Variants in FHIT observed in about 807,000 individuals in gnomAD.
The protein encoded by FHIT is bis(5'-adenosyl)-triphosphatase.
A neutral mutation model predicts 17.9 loss-of-function variants in FHIT; 19 were observed. The observed-to-expected ratio is 1.06, with a 90% CI of 0.74 to 1.56. FHIT has a LOEUF of 1.56. Among genes scored for constraint, FHIT ranks in the 40% most tolerant of loss-of-function variants. The pLI, the probability that FHIT is intolerant of heterozygous loss-of-function variation, is 0.00. For missense variants in FHIT, 248 were observed against 189.2 expected, an observed-to-expected ratio of 1.31 and a Z score of -1.82; for synonymous variants, 81 against 69.7, an observed-to-expected ratio of 1.16 and a Z score of -0.81.
chr3:59,807,087 C>G (rs1700233047), intron 8 of FHIT, among the ~76,000 whole-genome samples: 1 of 152,116 alleles, frequency 6.6e-6, no homozygotes, highest in African/African-American at 2.4e-5. Flanking sequence ...TGCTAAGGGA[C>G]TTGCCTGAGA....
At chr3:60,355,169 G>A (rs1699592596) in intron 5 of FHIT, among the ~76,000 whole-genome samples, 1 of 152,118 alleles carries the variant, frequency 6.6e-6, no homozygotes, top group South Asian at 2.1e-4. Context: ...GGATTTTGTT[G>A]TAACCTCCAC....
chr3:59,777,575 T>C (rs554429459), intron 8 of FHIT, among the ~76,000 whole-genome samples: 2 of 152,326 alleles, frequency 1.3e-5, no homozygotes, highest in South Asian at 4.1e-4. Flanking sequence ...ACCTCCACTA[T>C]ATCATCTCTG....
At chr3:61,153,329 T>C (rs1215386392) in intron 2 of FHIT, among the ~76,000 whole-genome samples, 2 of 152,156 alleles carry the variant, frequency 1.3e-5, no homozygotes, top group African/African-American at 4.8e-5. Flanking sequence ...AGCATATCAA[T>C]TGTAAGATAT....
chr3:60,494,404 T>A (rs2034204414), intron 5 of FHIT, among the ~76,000 whole-genome samples: 1 of 149,432 alleles, frequency 6.7e-6, no homozygotes, highest in Non-Finnish European at 1.5e-5. Flanking sequence ...ACATGCAATG[T>A]GTAATAATCA....
At chr3:60,880,105 A>C (rs1203222880) in intron 3 of FHIT, among the ~76,000 whole-genome samples, 1 of 152,192 alleles carries the variant, frequency 6.6e-6, no homozygotes, top group African/African-American at 2.4e-5. Context: ...TCAAAGACAA[A>C]GCAAGAATTC....
intron 8 of FHIT, among the ~76,000 whole-genome samples, chr3:59,837,373 C>T (rs1280272338): frequency 6.6e-6 from 1 of 152,062 alleles, no homozygotes; most frequent in Admixed American, 6.6e-5. Context: ...ATGTATAATA[C>T]CTAATACAAT....
At chr3:60,630,858 G>T (rs1559598243) in intron 4 of FHIT, among the ~76,000 whole-genome samples, 1 of 149,810 alleles carries the variant, frequency 6.7e-6, no homozygotes, top group Admixed American at 6.7e-5. Flanking sequence ...TGTCTTACCT[G>T]AGTCCCTGTT....
chr3:60,877,626 T>C (rs1045258854), intron 3 of FHIT, among the ~76,000 whole-genome samples: 2 of 152,144 alleles, frequency 1.3e-5, no homozygotes, highest in African/African-American at 2.4e-5. Context: ...AAGTGTCACA[T>C]TGCCCCTTGG....
At chr3:60,848,785 G>A (rs1703027730) in intron 3 of FHIT, among the ~76,000 whole-genome samples, 1 of 152,002 alleles carries the variant, frequency 6.6e-6, no homozygotes, top group Admixed American at 6.5e-5. Flanking sequence ...ATTTTTTATT[G>A]TTATGAGTTA....
chr3:60,940,927 C>T (rs770949513), intron 3 of FHIT, among the ~76,000 whole-genome samples: 1 of 152,160 alleles, frequency 6.6e-6, no homozygotes, highest in Non-Finnish European at 1.5e-5. Context: ...TAAACCAGCA[C>T]TGTCCAACAG....
At chr3:60,619,544 G>C (rs2039054040) in intron 4 of FHIT, among the ~76,000 whole-genome samples, 1 of 125,924 alleles carries the variant, frequency 7.9e-6, no homozygotes. Flanking sequence ...AAACAGAAGA[G>C]AAAGCCCACA....
chr3:60,113,575 A>G (rs1364032114), intron 5 of FHIT, among the ~76,000 whole-genome samples: 2 of 151,886 alleles, frequency 1.3e-5, no homozygotes, highest in Non-Finnish European at 2.9e-5. Context: ...CTACTGGTAC[A>G]TGAAGATTAA....
At position 59,751,232 on chromosome 3, in the gene FHIT, T is replaced by TTCTCTC. The variant is rs10577548; in HGVS notation, c.*5+983_*5+988dup. 5.0e-3 allele frequency: 877 copies of TTCTCTC among 176,274 alleles called. 15 individuals are homozygous for TTCTCTC. Among genetic ancestry groups the TTCTCTC allele is most frequent in the African/African-American group, 0.019 (782 of 42,000 alleles). 10.9% of individuals were successfully genotyped at this position (176,274 alleles called of 1,614,324 possible). A position where few individuals can be genotyped will look rare whatever the true frequency, so the allele number is the denominator to read the frequency against. Reference sequence around the variant, plus strand: ...ACAAATTTCAGAGAGATAGATACATTTCTCTCTCTCTCTCTCCTGTTTTTT... The same window carrying TTCTCTC: ...ACAAATTTCAGAGAGATAGATACATTTCTCTCTCTCTCTCTCTCTCTCCTGTTTTTT... On this transcript the variant is annotated intron_variant, in intron 9 of 9. Coordinates refer to ENST00000492590, the MANE Select transcript of FHIT (RefSeq NM_002012.4).
chr3:60,199,399 G>A (rs904343779), intron 5 of FHIT, among the ~76,000 whole-genome samples: 1 of 152,112 alleles, frequency 6.6e-6, no homozygotes, highest in African/African-American at 2.4e-5. Flanking sequence ...AGTGACTCAT[G>A]ACCATCAGTT....
At chr3:59,758,928 T>C (rs1354175642) in intron 8 of FHIT, among the ~76,000 whole-genome samples, 1 of 152,010 alleles carries the variant, frequency 6.6e-6, no homozygotes, top group Non-Finnish European at 1.5e-5. Context: ...GGCTGAGTTC[T>C]AGAAAGCTAC....
chr3:60,363,792 T>C (rs72875057), intron 5 of FHIT, among the ~76,000 whole-genome samples: 5,712 of 152,226 alleles, frequency 0.038, 329 homozygotes, highest in African/African-American at 0.13. Context: ...GTTTGTGTGA[T>C]AGACTCCAGG....
chr3:60,074,982 C>G (rs1702940762), intron 5 of FHIT, among the ~76,000 whole-genome samples: 1 of 152,068 alleles, frequency 6.6e-6, no homozygotes, highest in Non-Finnish European at 1.5e-5. Context: ...AATGTTACAG[C>G]AAACTCAACC....
intron 7 of FHIT, among the ~76,000 whole-genome samples, chr3:59,954,221 G>GGTTT: frequency 8.3e-6 from 1 of 120,968 alleles, no homozygotes; most frequent in South Asian, 2.7e-4. Flanking sequence ...ATTTTGTTCT[G>GGTTT]TTTTTTTTTC....
chr3:60,090,986 C>T (rs894381082), intron 5 of FHIT, among the ~76,000 whole-genome samples: 2 of 152,154 alleles, frequency 1.3e-5, no homozygotes, highest in Non-Finnish European at 1.5e-5. Flanking sequence ...CCATAATGAC[C>T]GATTAACCAC....
Sources: gnomAD v4.1 joint callset for allele counts (sites outside exome capture counted in the v4.1 genomes callset) on GRCh38, gnomAD v4.1.1 for gene constraint, MANE v1.5 for transcripts, NCBI Gene and HGNC (gene_info 2026-07-23, HGNC 2026-07-21) for gene names.